TOR1AIP1: variants seen among roughly 807,000 people sequenced by gnomAD.
TOR1AIP1 encodes torsin 1A interacting protein 1, also known as torsin-1A-interacting protein 1.
Under a neutral mutation model 63.3 loss-of-function variants are expected in TOR1AIP1, and 54 were observed. The ratio of observed to expected loss-of-function variants is 0.85; its 90% CI spans 0.69 to 1.07. The LOEUF (loss-of-function observed/expected upper bound fraction) is 1.07, where lower values mean the gene tolerates loss of function less well. Ranked by LOEUF, TOR1AIP1 falls within the 50% of genes least tolerant of loss-of-function variation. The pLI, the probability that TOR1AIP1 is intolerant of heterozygous loss-of-function variation, is 0.00. For synonymous variants in TOR1AIP1, 294 were observed against 273.5 expected, an observed-to-expected ratio of 1.07 and a Z score of -0.74; for missense variants, 736 against 715.0, an observed-to-expected ratio of 1.03 and a Z score of -0.33.
At chr1:179,886,781 G>A (rs907313683) in intron 2 of TOR1AIP1, among the ~76,000 whole-genome samples, 1 of 152,188 alleles carries the variant, frequency 6.6e-6, no homozygotes, top group African/African-American at 2.4e-5. Context: ...CTGTCTTTGA[G>A]AGGTTTGAGA....
intron 1 of TOR1AIP1, 131 bp downstream of exon 1, chr1:179,883,108 C>T: frequency 3.5e-6 from 3 of 850,788 alleles, no homozygotes; most frequent in Non-Finnish European, 5.4e-6. Context: ...TCCTCAGCCC[C>T]CTCTGGACTT....
intron 6 of TOR1AIP1, among the ~76,000 whole-genome samples, chr1:179,906,420 G>A (rs528410684): frequency 3.3e-5 from 5 of 152,054 alleles, no homozygotes; most frequent in African/African-American, 1.2e-4. Flanking sequence ...AATGTAAATC[G>A]ATACTTGTAT....
rs770530581 is a variant in TOR1AIP1, at chr1:179,882,829, G to C, written c.327G>C (p.Arg109Ser). 2.5e-6 allele frequency: 4 copies of C among 1,614,104 alleles called. No individual in the cohort carries two copies. In the African/African-American group the frequency reaches 5.3e-5, roughly 22 times the overall value. The change falls in exon 1 of 10, where the codon AGG becomes AGC. Residue 109 changes from arginine to serine, a missense_variant. Arg to Ser is a moderately radical substitution (Grantham distance 110). Coordinates refer to ENST00000606911, the MANE Select transcript of TOR1AIP1 (RefSeq NM_015602.4). ...VRESAYYLRSRQRRQPRPQET... is the reference protein window; with the variant it reads ...VRESAYYLRSSQRRQPRPQET... ...AAAGCGCGTACTACCTTCGGTCTAGGCAGCGGAGGCAGCCGCGACCCCAGG... is the reference window on the plus strand; with the variant it reads ...AAAGCGCGTACTACCTTCGGTCTAGCCAGCGGAGGCAGCCGCGACCCCAGG...
chr1:179,886,114 A>G (rs951070611), intron 2 of TOR1AIP1, among the ~76,000 whole-genome samples: 2 of 152,232 alleles, frequency 1.3e-5, no homozygotes, highest in African/African-American at 4.8e-5. Context: ...GCTTTGAATA[A>G]TGATGATATA....
chr1:179,885,394 A>G (rs763153578), intron 2 of TOR1AIP1, among the ~76,000 whole-genome samples: 6 of 152,252 alleles, frequency 3.9e-5, no homozygotes, highest in Non-Finnish European at 5.9e-5. Flanking sequence ...GTCAGAATCA[A>G]TGTAACATGG....
chr1:179,900,678 GAA>G, intron 4 of TOR1AIP1: 1 of 152,288 alleles, frequency 6.6e-6, no homozygotes, highest in Non-Finnish European at 1.5e-5. Flanking sequence ...AGGACAGATA[GAA>G]TGAGTGATGA....
intron 5 of TOR1AIP1, 26 bp downstream of exon 5, chr1:179,901,414 C>T (rs1263223067): frequency 2.1e-6 from 3 of 1,407,270 alleles, no homozygotes; most frequent in Non-Finnish European, 2.9e-6. Context: ...ATACATATGA[C>T]TCTTCTCATA....
intron 3 of TOR1AIP1, among the ~76,000 whole-genome samples, chr1:179,892,488 ACTT>A (rs1192913895): frequency 2.6e-5 from 4 of 151,828 alleles, no homozygotes; most frequent in Non-Finnish European, 4.4e-5. Context: ...AAAAAAAAAA[ACTT>A]CTTTGGGAGG....
Position 179,882,466 on chromosome 1 carries a change from G to A in TOR1AIP1, c.-37G>A. The A allele has an allele frequency of 6.3e-6, 9 of 1,418,218 alleles. No homozygotes were observed. The highest frequency in any genetic ancestry group is 8.3e-6 in the Non-Finnish European group (9 of 1,084,156). 87.9% of individuals were successfully genotyped at this position (1,418,218 alleles called of 1,614,324 possible). ...GGCAGGAGAACCTAGGGTCCATAAA[G>A]CCATCTTCGCGATCGACTAAAGCTA... is the stretch of plus-strand genomic sequence containing the variant. On this transcript the variant is annotated 5_prime_UTR_variant, in exon 1 of 10. Coordinates refer to ENST00000606911, the MANE Select transcript of TOR1AIP1 (RefSeq NM_015602.4).
chr1:179,882,841 G>A lies in TOR1AIP1; in HGVS notation c.339G>A (p.Gln113=), dbSNP rs1209961111. The change falls in exon 1 of 10, where the codon CAG becomes CAA. Residue 113 remains glutamine (Q), a synonymous_variant. Coordinates refer to ENST00000606911, the MANE Select transcript of TOR1AIP1 (RefSeq NM_015602.4). ...ACCTTCGGTCTAGGCAGCGGAGGCA[G>A]CCGCGACCCCAGGAAACCGAGGAAA... ...AYYLRSRQRR[Q]PRPQETEEMK... The A allele has an allele frequency of 4.3e-6, 7 of 1,614,106 alleles. No individual in the cohort carries two copies. Among genetic ancestry groups the A allele is most frequent in the South Asian group, 1.1e-5 (1 of 91,092 alleles).
intron 5 of TOR1AIP1, 21 bp downstream of exon 5, chr1:179,901,409 T>TA (rs766008444): frequency 4.1e-6 from 6 of 1,465,272 alleles, no homozygotes; most frequent in Non-Finnish European, 5.6e-6. Context: ...TTTATATACA[T>TA]ATGACTCTTC....
rs1649136796 is a variant in TOR1AIP1, at chr1:179,919,724, A to C, written c.*1485A>C. 1.3e-5 allele frequency: 2 copies of C among 152,138 alleles called. 1 individual carries two copies. Among genetic ancestry groups the C allele is most frequent in the South Asian group, 4.1e-4 (2 of 4,828 alleles). The allele number at this position is 152,138 out of a possible 1,614,324, so 9.4% of individuals were successfully genotyped here. A position where few individuals can be genotyped will look rare whatever the true frequency, so the allele number is the denominator to read the frequency against. ...TTTAGAGTCAGTCATTGGCTTTGTCATTTACCCTTTGAGAGTTCCACAAGT... is the reference window on the plus strand; with the variant it reads ...TTTAGAGTCAGTCATTGGCTTTGTCCTTTACCCTTTGAGAGTTCCACAAGT... On this transcript the variant is annotated 3_prime_UTR_variant, in exon 10 of 10. Coordinates refer to ENST00000606911, the MANE Select transcript of TOR1AIP1 (RefSeq NM_015602.4).
intron 5 of TOR1AIP1, among the ~76,000 whole-genome samples, chr1:179,901,933 G>T (rs1256538911): frequency 1.3e-5 from 2 of 149,484 alleles, no homozygotes; most frequent in Non-Finnish European, 3.0e-5. Flanking sequence ...AAACAAATTT[G>T]TAAACTCTGT....
intron 6 of TOR1AIP1, among the ~76,000 whole-genome samples, chr1:179,906,882 C>A (rs921465610): frequency 8.6e-5 from 13 of 151,410 alleles, no homozygotes; most frequent in African/African-American, 3.1e-4. Context: ...GGACTACAGG[C>A]GCCCACCACC....
chr1:179,885,366 A>G (rs1215842848), intron 2 of TOR1AIP1, among the ~76,000 whole-genome samples: 1 of 152,232 alleles, frequency 6.6e-6, no homozygotes, highest in Non-Finnish European at 1.5e-5. Flanking sequence ...CAAAGATGTT[A>G]AAGTGTTTAA....
chr1:179,907,932 T>TTC, intron 7 of TOR1AIP1, 68 bp downstream of exon 7: 1 of 1,182,934 alleles, frequency 8.5e-7, no homozygotes, highest in Non-Finnish European at 1.2e-6. Flanking sequence ...TTTTTTTTTT[T>TTC]TTGAGACGAT....
At chr1:179,892,389 C>CT (rs1165848011) in intron 3 of TOR1AIP1, among the ~76,000 whole-genome samples, 1 of 151,968 alleles carries the variant, frequency 6.6e-6, no homozygotes. Flanking sequence ...AGGAGAATCA[C>CT]TTATACCCAG....
intron 2 of TOR1AIP1, among the ~76,000 whole-genome samples, chr1:179,887,355 T>C (rs1197365715): frequency 6.6e-6 from 1 of 151,810 alleles, no homozygotes; most frequent in Non-Finnish European, 1.5e-5. Context: ...GCCGAGATCA[T>C]GCCACTGCAC....
chr1:179,883,562 G>A (rs917124204), intron 1 of TOR1AIP1: 2 of 453,644 alleles, frequency 4.4e-6, no homozygotes, highest in Admixed American at 2.4e-5. Context: ...CATTTTTCCT[G>A]AACTGATGTT....
Sources: gnomAD v4.1 joint callset for allele counts (sites outside exome capture counted in the v4.1 genomes callset) on GRCh38, gnomAD v4.1.1 for gene constraint, MANE v1.5 for transcripts, NCBI Gene and HGNC (gene_info 2026-07-23, HGNC 2026-07-21) for gene names.